The following MCHR2 variants were observed in gnomAD, a reference collection of about 807,000 sequenced individuals.
The protein encoded by MCHR2 is melanin concentrating hormone receptor 2.
MCHR2 carries 15 observed loss-of-function variants against 24.8 expected under a neutral mutation model. The observed-to-expected ratio is 0.60, with a 90% confidence interval of 0.40 to 0.93. The LOEUF (loss-of-function observed/expected upper bound fraction) is 0.93, where lower values mean the gene tolerates loss of function less well. Ranked by LOEUF, MCHR2 falls within the 40% of genes least tolerant of loss-of-function variation. The pLI is 0.00. For synonymous variants in MCHR2, 151 were observed against 147.6 expected, an observed-to-expected ratio of 1.02 and a Z score of -0.17; for missense variants, 386 against 408.7, an observed-to-expected ratio of 0.94 and a Z score of 0.48.
chr6:99,958,258 G>T (rs970160555), intron 1 of MCHR2, among the ~76,000 whole-genome samples: 1 of 151,158 alleles, frequency 6.6e-6, no homozygotes, highest in Non-Finnish European at 1.5e-5. Context: ...TTCCATAAAT[G>T]GTGCTGGGAC....
intron 5 of MCHR2, among the ~76,000 whole-genome samples, chr6:99,926,385 T>C (rs1774358575): frequency 6.6e-6 from 1 of 152,174 alleles, no homozygotes; most frequent in Non-Finnish European, 1.5e-5. Context: ...GTATTTCTAG[T>C]TGTAGATCCC....
intron 4 of MCHR2, among the ~76,000 whole-genome samples, chr6:99,937,463 T>A (rs1255803927): frequency 6.6e-6 from 1 of 152,038 alleles, no homozygotes; most frequent in Non-Finnish European, 1.5e-5. Flanking sequence ...ATTGAAATAA[T>A]CATATGGTTT....
At chr6:99,952,800 C>T (rs1774990179) in intron 2 of MCHR2, among the ~76,000 whole-genome samples, 1 of 151,928 alleles carries the variant, frequency 6.6e-6, no homozygotes, top group Non-Finnish European at 1.5e-5. Flanking sequence ...AAAATCTTAG[C>T]AAAAAAATTA....
intron 1 of MCHR2, among the ~76,000 whole-genome samples, chr6:99,973,134 CGTT>C (rs753011829): frequency 1.1e-4 from 17 of 151,560 alleles, no homozygotes; most frequent in Non-Finnish European, 2.1e-4. Context: ...CTTTCTGTCT[CGTT>C]GATCTGTCTA....
chr6:99,938,855 A>G (rs984173788), intron 4 of MCHR2, among the ~76,000 whole-genome samples: 1 of 152,066 alleles, frequency 6.6e-6, no homozygotes, highest in Non-Finnish European at 1.5e-5. Context: ...TTTGCTCTAT[A>G]TATTTGGGAG....
chr6:99,920,599 G>A lies in MCHR2; in HGVS notation c.*341C>T. On this transcript the variant is annotated 3_prime_UTR_variant, in exon 6 of 6. Coordinates refer to ENST00000281806, the MANE Select transcript of MCHR2 (RefSeq NM_001040179.2). ...TTACAGTGAGGCCACAGTGTGGAGGGCAAGGTCAGGTTCCTTGGTGAGTTT... is the reference window on the plus strand; with the variant it reads ...TTACAGTGAGGCCACAGTGTGGAGGACAAGGTCAGGTTCCTTGGTGAGTTT... 1 of 244,346 alleles carries A rather than the reference G, an allele frequency of 4.1e-6. No homozygotes were observed. Among genetic ancestry groups the A allele is most frequent in the South Asian group, 6.7e-5 (1 of 14,908 alleles). 15.1% of individuals were successfully genotyped at this position (244,346 alleles called of 1,614,324 possible).
chr6:99,991,060 G>A (rs1176008828), intron 1 of MCHR2, among the ~76,000 whole-genome samples: 2 of 151,774 alleles, frequency 1.3e-5, no homozygotes, highest in Non-Finnish European at 2.9e-5. Flanking sequence ...ACCCCAGGGA[G>A]AGAAAGGGCA....
At chr6:99,971,391 G>T (rs1275487024) in intron 1 of MCHR2, among the ~76,000 whole-genome samples, 2 of 151,900 alleles carry the variant, frequency 1.3e-5, no homozygotes, top group Non-Finnish European at 2.9e-5. Flanking sequence ...GAATGCTTGT[G>T]ATTTTTGTAC....
chr6:99,986,597 C>T (rs907163661), intron 1 of MCHR2, among the ~76,000 whole-genome samples: 1 of 152,074 alleles, frequency 6.6e-6, no homozygotes, highest in Non-Finnish European at 1.5e-5. Flanking sequence ...CATATTCTCA[C>T]TTATAAGTGG....
chr6:99,968,894 G>C (rs1301711552), intron 1 of MCHR2, among the ~76,000 whole-genome samples: 1 of 151,920 alleles, frequency 6.6e-6, no homozygotes, highest in Non-Finnish European at 1.5e-5. Context: ...AGATAAGTCT[G>C]AAGGGAAATT....
At chr6:99,941,950 G>A (rs1031113565) in intron 4 of MCHR2, among the ~76,000 whole-genome samples, 2 of 152,014 alleles carry the variant, frequency 1.3e-5, no homozygotes, top group African/African-American at 4.8e-5. Context: ...GACAAGTGAT[G>A]GAGTAAGAGA....
intron 1 of MCHR2, among the ~76,000 whole-genome samples, chr6:99,967,377 A>T (rs1407187420): frequency 6.6e-6 from 1 of 152,202 alleles, no homozygotes; most frequent in Non-Finnish European, 1.5e-5. Context: ...AAGTCTGAAA[A>T]GTGATAATAA....
intron 1 of MCHR2, among the ~76,000 whole-genome samples, chr6:99,964,905 T>C (rs1213783361): frequency 6.6e-6 from 1 of 152,128 alleles, no homozygotes; most frequent in Non-Finnish European, 1.5e-5. Flanking sequence ...ATATGTATGA[T>C]TCCATTTTTA....
At chr6:99,931,544 C>T (rs540538009) in intron 5 of MCHR2, among the ~76,000 whole-genome samples, 160 of 152,270 alleles carry the variant, frequency 1.1e-3, no homozygotes, top group Non-Finnish European at 1.4e-3. Context: ...TGGGCAATGG[C>T]GGGCAACCCT....
At chr6:99,948,052 A>G in intron 2 of MCHR2, 81 bp from the exon 3 acceptor site, 3 of 1,181,536 alleles carry the variant, frequency 2.5e-6, no homozygotes, top group Non-Finnish European at 3.6e-6. Context: ...ACAAATTTTT[A>G]ATTGACATAA....
intron 2 of MCHR2, among the ~76,000 whole-genome samples, chr6:99,954,950 A>G (rs1226018489): frequency 6.6e-6 from 1 of 152,176 alleles, no homozygotes; most frequent in Non-Finnish European, 1.5e-5. Flanking sequence ...CTTCTGCAGG[A>G]TATCTCATTA....
intron 2 of MCHR2, among the ~76,000 whole-genome samples, chr6:99,948,976 G>C: frequency 1.3e-5 from 2 of 152,252 alleles, no homozygotes; most frequent in African/African-American, 4.8e-5. Context: ...CCTGTGGGGA[G>C]CCGGGGGTGG....
At chr6:99,955,151 T>C (rs1775035860) in intron 2 of MCHR2, among the ~76,000 whole-genome samples, 1 of 152,168 alleles carries the variant, frequency 6.6e-6, no homozygotes, top group South Asian at 2.1e-4. Flanking sequence ...TAACATCCTA[T>C]AGTTATTAAA....
intron 1 of MCHR2, among the ~76,000 whole-genome samples, chr6:99,992,919 C>A (rs185585404): frequency 6.6e-6 from 1 of 152,140 alleles, no homozygotes; most frequent in Non-Finnish European, 1.5e-5. Flanking sequence ...CCCCACCCCC[C>A]CATCTCTACC....
Sources: gnomAD v4.1 joint callset for allele counts (sites outside exome capture counted in the v4.1 genomes callset) on GRCh38, gnomAD v4.1.1 for gene constraint, MANE v1.5 for transcripts, NCBI Gene and HGNC (gene_info 2026-07-23, HGNC 2026-07-21) for gene names.